TNPO3: variants seen among roughly 807,000 people sequenced by gnomAD.
TNPO3 encodes the protein transportin 3, also known as transportin-3.
Under a neutral mutation model 122.8 loss-of-function variants are expected in TNPO3, and 65 were observed. That is an observed-to-expected ratio of 0.53 (90% CI 0.43 to 0.65). The LOEUF is 0.65. TNPO3 is among the 30% of genes least tolerant of loss of function. TNPO3 has a pLI of 0.00. For synonymous variants in TNPO3, 372 were observed against 411.2 expected, an observed-to-expected ratio of 0.90 and a Z score of 1.15; for missense variants, 850 against 1,136.7, an observed-to-expected ratio of 0.75 and a Z score of 3.63.
At chr7:128,995,811 G>A (rs866455038) in intron 8 of TNPO3, among the ~76,000 whole-genome samples, 77 of 152,280 alleles carry the variant, frequency 5.1e-4, no homozygotes, top group African/African-American at 1.8e-3. Context: ...TGATTCTCCT[G>A]CCTCAGCCTC....
chr7:129,055,054 A>C lies in TNPO3; in HGVS notation c.-284T>G. ...CTGGCGCTCCCGTCTTCAGTCGCTG[A>C]CTTGCCCTCAGAAGCCTATCTTGGG... On this transcript the variant is annotated 5_prime_UTR_variant, in exon 1 of 23. Transcript: ENST00000265388. 1 of 408,648 alleles carries C rather than the reference A, an allele frequency of 2.4e-6. No homozygotes were observed. Among genetic ancestry groups the C allele is most frequent in the African/African-American group, 2.0e-5 (1 of 49,438 alleles). The allele number at this position is 408,648 out of a possible 1,614,324, so 25.3% of individuals were successfully genotyped here. A position where few individuals can be genotyped will look rare whatever the true frequency, so the allele number is the denominator to read the frequency against.
intron 8 of TNPO3, among the ~76,000 whole-genome samples, chr7:128,995,748 G>A (rs1801243292): frequency 6.6e-6 from 1 of 152,134 alleles, no homozygotes; most frequent in Non-Finnish European, 1.5e-5. Context: ...GCCCAGGCTG[G>A]AGTGCAGTGG....
At position 128,989,977 on chromosome 7, in the gene TNPO3, T is replaced by A; in HGVS notation, c.1482A>T (p.Arg494=). Residue 494 remains arginine, a synonymous_variant, in exon 11 of 23, where the codon CGA becomes CGT. Coordinates refer to ENST00000265388, the MANE Select transcript of TNPO3 (RefSeq NM_012470.4). ...LVGEMSEVVD[R]NPQFLDPVLG... The stretch of plus-strand genomic sequence containing the variant: ...TACACATACCAAGGAACTGAGGATT[T>A]CGATCAACGACTTCACTCATCTCTC... The A allele has an allele frequency of 6.2e-7, 1 of 1,614,134 alleles. No individual in the cohort carries two copies. The highest frequency in any genetic ancestry group is 8.5e-7 in the Non-Finnish European group (1 of 1,179,956).
chr7:128,969,625 A>G (rs757345940), intron 20 of TNPO3, among the ~76,000 whole-genome samples: 1 of 152,210 alleles, frequency 6.6e-6, no homozygotes, highest in Non-Finnish European at 1.5e-5. Context: ...GATAGCTTTA[A>G]AAAAACAACT....
At chr7:128,983,911 A>C (rs1471088360) in intron 13 of TNPO3, among the ~76,000 whole-genome samples, 1 of 152,162 alleles carries the variant, frequency 6.6e-6, no homozygotes, top group African/African-American at 2.4e-5. Context: ...GGTCACTCAT[A>C]CTGGCTCAGG....
chr7:128,972,412 A>T lies in TNPO3; in HGVS notation c.2430+14T>A, dbSNP rs1798583788. ...AAAGCTGTTAAGTAGAAATGGTATC[A>T]TTTTTATACTTACATCATTGGCTAC... On this transcript the variant is annotated intron_variant, in intron 19 of 22. Transcript: ENST00000265388. 5.6e-6 allele frequency: 9 copies of T among 1,601,972 alleles called. No individual in the cohort carries two copies. In the South Asian group the frequency reaches 7.9e-5, roughly 14 times the overall value.
intron 21 of TNPO3, among the ~76,000 whole-genome samples, chr7:128,957,825 C>T (rs1797045521): frequency 6.6e-6 from 1 of 152,180 alleles, no homozygotes; most frequent in Admixed American, 6.5e-5. Flanking sequence ...GCAACTAAGT[C>T]TCCACCAGTC....
At chr7:129,015,846 A>G (rs1403037343) in intron 3 of TNPO3, among the ~76,000 whole-genome samples, 1 of 152,062 alleles carries the variant, frequency 6.6e-6, no homozygotes, top group Non-Finnish European at 1.5e-5. Context: ...AATAAAATAT[A>G]AGGATAGGGA....
chr7:129,018,222 T>C, intron 1 of TNPO3, 65 bp from the exon 2 acceptor site: 1 of 1,477,380 alleles, frequency 6.8e-7, no homozygotes, highest in Non-Finnish European at 9.2e-7. Context: ...TGACATAACC[T>C]CAATACTTAT....
chr7:128,986,964 G>T, intron 11 of TNPO3, 44 bp from the exon 12 acceptor site: 1 of 1,523,168 alleles, frequency 6.6e-7, no homozygotes, highest in Non-Finnish European at 8.8e-7. Context: ...TGAAACTAAA[G>T]GAAAACTTCT....
At chr7:128,970,035 T>G in intron 20 of TNPO3, 113 bp downstream of exon 20, 4 of 1,255,494 alleles carry the variant, frequency 3.2e-6, no homozygotes, top group Non-Finnish European at 4.5e-6. Context: ...TGCCTAAATT[T>G]GGTTCCATGG....
At chr7:129,037,390 C>T (rs1407485557) in intron 1 of TNPO3, among the ~76,000 whole-genome samples, 3 of 152,166 alleles carry the variant, frequency 2.0e-5, no homozygotes, top group Non-Finnish European at 1.5e-5. Context: ...GGCTCATCTA[C>T]GACAGGACAG....
intron 20 of TNPO3, 139 bp downstream of exon 20, chr7:128,970,009 A>G: frequency 1.2e-6 from 1 of 860,658 alleles, no homozygotes; most frequent in Admixed American, 2.3e-5. Context: ...TCATCTACCA[A>G]TCTAATTTGG....
At chr7:128,988,254 G>A (rs1800378370) in intron 11 of TNPO3, among the ~76,000 whole-genome samples, 1 of 152,162 alleles carries the variant, frequency 6.6e-6, no homozygotes, top group Admixed American at 6.5e-5. Context: ...GGGATTACAG[G>A]TGTGAGCCAC....
intron 16 of TNPO3, among the ~76,000 whole-genome samples, chr7:128,977,883 A>G (rs1281289860): frequency 6.6e-6 from 1 of 152,074 alleles, no homozygotes; most frequent in African/African-American, 2.4e-5. Flanking sequence ...GGCGTGAGGC[A>G]CTGCACCTGG....
At position 128,982,224 on chromosome 7, in the gene TNPO3, G is replaced by C. The variant is rs765842973; in HGVS notation, c.1859+24C>G. 3.1e-6 allele frequency: 5 copies of C among 1,603,994 alleles called. No individual in the cohort carries two copies. The East Asian group carries it at 1.1e-4, about 36-fold the overall frequency. ...TCATTTGAGCCTTTAACCCAAGTAA[G>C]GCATCCAGAGTCTCCTTTCTTACCT... On this transcript the variant is annotated intron_variant, in intron 14 of 22. Coordinates refer to ENST00000265388, the MANE Select transcript of TNPO3 (RefSeq NM_012470.4).
At chr7:128,981,967 C>G (rs1799669744) in intron 14 of TNPO3, among the ~76,000 whole-genome samples, 3 of 152,114 alleles carry the variant, frequency 2.0e-5, no homozygotes. Flanking sequence ...TGAGCTCAAG[C>G]AATCTGTCTG....
At chr7:128,982,194 T>C in intron 14 of TNPO3, 54 bp downstream of exon 14, 2 of 1,469,552 alleles carry the variant, frequency 1.4e-6, no homozygotes, top group East Asian at 2.3e-5. Context: ...CAATATACAA[T>C]GGTTTCATTT....
chr7:128,982,142 G>A, intron 14 of TNPO3, 106 bp downstream of exon 14: 1 of 905,910 alleles, frequency 1.1e-6, no homozygotes, highest in African/African-American at 1.7e-5. Flanking sequence ...TCCAAACATA[G>A]GGAGATACTT....
Sources: gnomAD v4.1 joint callset for allele counts (sites outside exome capture counted in the v4.1 genomes callset) on GRCh38, gnomAD v4.1.1 for gene constraint, MANE v1.5 for transcripts, NCBI Gene and HGNC (gene_info 2026-07-23, HGNC 2026-07-21) for gene names.